Variants in ELAC2 observed in about 807,000 individuals in gnomAD.
ELAC2 encodes the protein elaC ribonuclease Z 2, also known as zinc phosphodiesterase ELAC protein 2.
ELAC2 carries 92 observed loss-of-function variants against 105.2 expected under a neutral mutation model. The ratio of observed to expected loss-of-function variants is 0.87; its 90% CI spans 0.74 to 1.04. The LOEUF is 1.04. ELAC2 is among the 50% of genes least tolerant of loss of function. The pLI, the probability that ELAC2 is intolerant of heterozygous loss-of-function variation, is 0.00. For synonymous variants in ELAC2, 468 were observed against 409.1 expected, an observed-to-expected ratio of 1.14 and a Z score of -1.74; for missense variants, 1,099 against 1,071.7, an observed-to-expected ratio of 1.03 and a Z score of -0.36.
At chr17:13,009,645 C>A (rs2041300673) in intron 8 of ELAC2, among the ~76,000 whole-genome samples, 1 of 152,182 alleles carries the variant, frequency 6.6e-6, no homozygotes, top group Non-Finnish European at 1.5e-5. Flanking sequence ...AAAACAAACA[C>A]AGCTGCCTTC....
In ELAC2 at chr17:12,996,600, G is replaced by C. The variant is rs2040483689; in HGVS notation, c.1606C>G (p.Leu536Val). ...RHYGDQVDRV[L>V]GTLAAVFVSH... ...ACAAACACAGCAGCCAGGGTGCCCA[G>C]GACCCTGTCCACCTGGTCTCCGTAA... Residue 536 changes from leucine (L) to valine (V), a missense_variant, in exon 17 of 24, where the codon CTG (leucine) becomes GTG (valine). Physicochemically the swap from Leu to Val is conservative, Grantham distance 32. Transcript: ENST00000338034. 6.2e-7 allele frequency: 1 copy of C among 1,613,948 alleles called. No homozygotes were observed. Among genetic ancestry groups the C allele is most frequent in the African/African-American group, 1.3e-5 (1 of 74,912 alleles).
chr17:12,998,327 A>G, intron 16 of ELAC2, 85 bp downstream of exon 16: 1 of 1,322,138 alleles, frequency 7.6e-7, no homozygotes, highest in Non-Finnish European at 1.1e-6. Context: ...CCGCATTTCA[A>G]ATCGACTGGT....
intron 11 of ELAC2, among the ~76,000 whole-genome samples, chr17:13,004,395 A>C (rs906819444): frequency 1.3e-5 from 2 of 152,250 alleles, no homozygotes; most frequent in African/African-American, 4.8e-5. Flanking sequence ...AACTAGGAAC[A>C]GGAAAAATAC....
intron 19 of ELAC2, among the ~76,000 whole-genome samples, chr17:12,995,300 G>A (rs113318335): frequency 1.1e-3 from 174 of 152,278 alleles, no homozygotes; most frequent in African/African-American, 3.6e-3. Context: ...CACGGGCCAC[G>A]GATGGCTCCA....
rs1167083458 is a variant in ELAC2, at chr17:12,992,148, TTGATA to T, written c.*665_*669del. ...TTGATTTGATTGATTGATTGATTGA[TTGATA>T]GAGAAAGCACGCCCTGCTGTGAGCT... On this transcript the variant is annotated 3_prime_UTR_variant, in exon 24 of 24. Transcript: ENST00000338034. 1.5e-5 allele frequency among the ~76,000 whole-genome samples: 2 copies of T among 133,296 alleles called. No homozygotes were observed. Among genetic ancestry groups the T allele is most frequent in the Non-Finnish European group, 3.3e-5 (2 of 61,414 alleles). The allele number at this position is 133,296 out of a possible 152,430, so 87.4% of individuals were successfully genotyped here.
intron 14 of ELAC2, chr17:13,000,580 T>G: frequency 2.4e-6 from 1 of 412,810 alleles, no homozygotes; most frequent in South Asian, 2.1e-5. Flanking sequence ...GCAGCACCAC[T>G]ACCCACCTCC....
rs962351834 is a variant in ELAC2, at chr17:13,003,467, T to C, written c.1079+12A>G. The C allele has an allele frequency of 6.2e-7, 1 of 1,613,690 alleles. No individual in the cohort carries two copies. Among genetic ancestry groups the C allele is most frequent in the Admixed American group, 1.7e-5 (1 of 60,006 alleles). On this transcript the variant is annotated intron_variant, in intron 12 of 23. Transcript: ENST00000338034. Reference sequence around the variant, plus strand: ...AGAGTTACCCCAAGTGCCGCTGGGCTGGGCTCCATACCTCTCCATCCACTG... The same window carrying C: ...AGAGTTACCCCAAGTGCCGCTGGGCCGGGCTCCATACCTCTCCATCCACTG...
rs1186915856 is a variant in ELAC2 at position 12,993,725 on chromosome 17, A to G, written c.2215T>C (p.Phe739Leu). The change falls in exon 23 of 24, where the codon TTC becomes CTC. Residue 739 changes from phenylalanine (F) to leucine (L), a missense_variant. Transcript: ENST00000338034. ...YAKVPLFSPNFSEKVGVAFDH... is the reference protein window; with the variant it reads ...YAKVPLFSPNLSEKVGVAFDH... ...AAGGCAACTCCCACTTTCTCGCTGAAGTTGGGGCTGAAGAGGGGGACCTTG... is the reference window on the plus strand; with the variant it reads ...AAGGCAACTCCCACTTTCTCGCTGAGGTTGGGGCTGAAGAGGGGGACCTTG... 2 of 1,614,144 alleles carry G rather than the reference A, an allele frequency of 1.2e-6. No individual in the cohort carries two copies. Among genetic ancestry groups the G allele is most frequent in the South Asian group, 2.2e-5 (2 of 91,084 alleles).
At chr17:13,017,520 T>G (rs1031832027) in intron 1 of ELAC2, 183 bp downstream of exon 1, 9 of 1,253,382 alleles carry the variant, frequency 7.2e-6, no homozygotes, top group Non-Finnish European at 9.8e-6. Context: ...TCTTCACAGA[T>G]CCGCAGAAAT....
chr17:12,995,455 G>T (rs1467005734), intron 19 of ELAC2, among the ~76,000 whole-genome samples: 2 of 152,232 alleles, frequency 1.3e-5, no homozygotes, highest in Non-Finnish European at 2.9e-5. Context: ...TCGAAGTTTA[G>T]AAAGCAGCTC....
chr17:13,007,636 G>C (rs2041181276), intron 8 of ELAC2, among the ~76,000 whole-genome samples: 1 of 152,188 alleles, frequency 6.6e-6, no homozygotes, highest in Non-Finnish European at 1.5e-5. Context: ...CCAGCACTTT[G>C]GGAGGCTGAA....
rs762820869 is a variant in ELAC2, at chr17:13,005,912, C to A, written c.797+9G>T. The A allele has an allele frequency of 6.8e-6, 11 of 1,614,072 alleles. No homozygotes were observed. Among genetic ancestry groups the A allele is most frequent in the African/African-American group, 6.7e-5 (5 of 74,922 alleles). On this transcript the variant is annotated intron_variant, in intron 9 of 23. Coordinates refer to ENST00000338034, the MANE Select transcript of ELAC2 (RefSeq NM_018127.7). ...GTGAGTCCCCAGAAGCCTTACCCCC[C>A]ACACTCACACTGGGAGGCCCATCTC... is the stretch of plus-strand genomic sequence containing the variant.
At chr17:12,999,613 G>C (rs907150486) in intron 15 of ELAC2, among the ~76,000 whole-genome samples, 4 of 152,222 alleles carry the variant, frequency 2.6e-5, no homozygotes, top group Non-Finnish European at 5.9e-5. Context: ...AAGAATGCCT[G>C]GGTGCCATCG....
At chr17:12,994,268 G>A (rs2040351849) in intron 22 of ELAC2, among the ~76,000 whole-genome samples, 157 bp downstream of exon 22, 1 of 152,170 alleles carries the variant, frequency 6.6e-6, no homozygotes, top group Admixed American at 6.5e-5. Context: ...TAAAGGCCAA[G>A]AGCCTGTGAG....
rs746593575 is a variant in ELAC2 at position 12,996,592 on chromosome 17, G to T, written c.1614C>A (p.Thr538=). Residue 538 remains threonine, a synonymous_variant, in exon 17 of 24, where the codon ACC becomes ACA. Transcript: ENST00000338034. ...YGDQVDRVLG[T]LAAVFVSHLH... is the part of the protein sequence containing the mutation. ...GGTGGGACACAAACACAGCAGCCAGGGTGCCCAGGACCCTGTCCACCTGGT... is the reference window on the plus strand; with the variant it reads ...GGTGGGACACAAACACAGCAGCCAGTGTGCCCAGGACCCTGTCCACCTGGT... The T allele has an allele frequency of 6.2e-7, 1 of 1,614,030 alleles. No homozygotes were observed. The highest frequency in any genetic ancestry group is 8.5e-7 in the Non-Finnish European group (1 of 1,180,026).
At chr17:12,995,999 A>G (rs1465221729) in intron 17 of ELAC2, 21 bp from the exon 18 acceptor site, 4 of 1,585,648 alleles carry the variant, frequency 2.5e-6, no homozygotes, top group Non-Finnish European at 3.4e-6. Flanking sequence ...AACAGGAGAC[A>G]TGCGTCAGCC....
Position 13,016,899 on chromosome 17 carries a change from C to A in ELAC2, c.330G>T (p.Leu110=). The A allele has an allele frequency of 6.2e-7, 1 of 1,614,150 alleles. No individual in the cohort carries two copies. The highest frequency in any genetic ancestry group is 8.5e-7 in the Non-Finnish European group (1 of 1,180,022). ...LKVARLDNIF[L]TRMHWSNVGG... ...CAACATTAGACCAGTGCATTCGTGT[C>A]AGGAATATGTTGTCCAGGCGAGCAA... is the stretch of plus-strand genomic sequence containing the variant. The change falls in exon 3 of 24, where the codon CTG becomes CTT. Residue 110 remains leucine (L), a synonymous_variant. Transcript: ENST00000338034.
intron 15 of ELAC2, among the ~76,000 whole-genome samples, chr17:12,999,323 C>G (rs1175551977): frequency 3.3e-5 from 5 of 152,208 alleles, no homozygotes; most frequent in African/African-American, 1.2e-4. Flanking sequence ...CCTCCCAGCC[C>G]TACCAGGTAG....
intron 5 of ELAC2, among the ~76,000 whole-genome samples, chr17:13,013,863 A>C (rs79328113): frequency 0.086 from 13,046 of 152,164 alleles, 775 homozygotes; most frequent in Middle Eastern, 0.2. Flanking sequence ...CAACGACGAG[A>C]AGCACCTCTG....
Sources: allele counts gnomAD v4.1 joint callset (sites outside exome capture counted in the v4.1 genomes callset), GRCh38; gene constraint gnomAD v4.1.1; transcripts MANE v1.5; gene names NCBI Gene and HGNC (gene_info 2026-07-23, HGNC 2026-07-21).